Variants in ZNF250 observed in about 807,000 individuals in gnomAD.
The protein encoded by ZNF250 is zinc finger protein (clone 647).
In ZNF250, 13 loss-of-function variants were observed where a neutral mutation model predicts 37.1. The observed-to-expected ratio is 0.35, with a 90% CI of 0.23 to 0.56. ZNF250 has a LOEUF of 0.56. Among genes scored for constraint, ZNF250 ranks in the 20% least tolerant of loss-of-function variants. ZNF250 has a pLI of 0.87. For synonymous variants in ZNF250, 251 were observed against 265.6 expected, an observed-to-expected ratio of 0.94 and a Z score of 0.54; for missense variants, 474 against 697.9, an observed-to-expected ratio of 0.68 and a Z score of 3.61.
chr8:144,892,459 A>G (rs570799481), intron 1 of ZNF250, among the ~76,000 whole-genome samples: 1 of 152,328 alleles, frequency 6.6e-6, no homozygotes, highest in South Asian at 2.1e-4. Context: ...AAATTGGAAG[A>G]TAACAAAAAT....
At chr8:144,884,761 G>A (rs1250829935) in intron 5 of ZNF250, among the ~76,000 whole-genome samples, 1 of 151,930 alleles carries the variant, frequency 6.6e-6, no homozygotes, top group Non-Finnish European at 1.5e-5. Context: ...AATTTCATTG[G>A]ATAATGCCAA....
chr8:144,883,296 T>C (rs1563881004), intron 5 of ZNF250, among the ~76,000 whole-genome samples: 1 of 151,278 alleles, frequency 6.6e-6, no homozygotes, highest in Non-Finnish European at 1.5e-5. Context: ...GACTTGTACA[T>C]GAGGTAGGGG....
At position 144,881,711 on chromosome 8, in the gene ZNF250, ACAAT is replaced by A; in HGVS notation, c.1468_1471del (p.Ile490CysfsTer3). On this transcript the variant is annotated frameshift_variant, in exon 6 of 6. Coordinates refer to ENST00000417550, the MANE Select transcript of ZNF250 (RefSeq NM_001109689.4). LOFTEE classifies it high-confidence loss of function. Reference sequence around the variant, plus strand: ...CTCGCCCGTGTGGGTCCTCAGGTGCACAATCAGAGTTGCTTTCAGGCTGAAGGCT... The same window carrying A: ...CTCGCCCGTGTGGGTCCTCAGGTGCACAGAGTTGCTTTCAGGCTGAAGGCT... 2 of 1,612,540 alleles carry A rather than the reference ACAAT, an allele frequency of 1.2e-6. No homozygotes were observed. The highest frequency in any genetic ancestry group is 1.7e-6 in the Non-Finnish European group (2 of 1,179,596).
rs541828219 is a variant in ZNF250, at chr8:144,880,561, C to G, written c.*954G>C. 8.2e-5 allele frequency: 37 copies of G among 452,006 alleles called. No individual in the cohort carries two copies. The highest frequency in any genetic ancestry group is 2.1e-4 in the Admixed American group (9 of 42,288). 28.0% of individuals were successfully genotyped at this position (452,006 alleles called of 1,614,324 possible). A position where few individuals can be genotyped will look rare whatever the true frequency, so the allele number is the denominator to read the frequency against. On this transcript the variant is annotated 3_prime_UTR_variant, in exon 6 of 6. Transcript: ENST00000417550. Reference sequence around the variant, plus strand: ...TTCTGATCTTGAATAAAGTTAAAAGCTCCAGATAAAGGGTTTTCTAGGCCA... The same window carrying G: ...TTCTGATCTTGAATAAAGTTAAAAGGTCCAGATAAAGGGTTTTCTAGGCCA...
rs1335393033 is a variant in ZNF250 at position 144,879,219 on chromosome 8, G to C, written c.*2296C>G. On this transcript the variant is annotated 3_prime_UTR_variant, in exon 6 of 6. Transcript: ENST00000417550. ...CTGAAGTAACACCTCAGTAATATTA[G>C]TTCCTCTGGAATTTCACTTCAGTGG... 1 of 152,248 alleles carries C rather than the reference G, an allele frequency of 6.6e-6. No individual in the cohort carries two copies. The highest frequency in any genetic ancestry group is 2.4e-5 in the African/African-American group (1 of 41,458). 9.4% of individuals were successfully genotyped at this position (152,248 alleles called of 1,614,324 possible).
chr8:144,884,290 C>T (rs979991615), intron 5 of ZNF250, among the ~76,000 whole-genome samples: 4 of 152,306 alleles, frequency 2.6e-5, no homozygotes, highest in Middle Eastern at 3.4e-3. Context: ...CTTACCCTGT[C>T]GCCCAGGCTG....
intron 1 of ZNF250, among the ~76,000 whole-genome samples, chr8:144,899,879 T>C (rs1832985177): frequency 6.6e-6 from 1 of 152,208 alleles, no homozygotes; most frequent in Non-Finnish European, 1.5e-5. Flanking sequence ...AACAAGAGTT[T>C]ATTTTAAAAA....
At position 144,882,989 on chromosome 8, in the gene ZNF250, C is replaced by T. The variant is rs1272599823; in HGVS notation, c.347-153G>A. ...AAGAACAGAACCACCATAACTGTGT[C>T]AAACAACTAGATATCAGAAGATAAT... On this transcript the variant is annotated intron_variant, in intron 5 of 5. Transcript: ENST00000417550. This position sits in a 1 kb window ranked among gnomAD's most constrained non-coding sequence, Gnocchi z 5.5. 1.3e-5 allele frequency among the ~76,000 whole-genome samples: 2 copies of T among 152,188 alleles called. No homozygotes were observed. The highest frequency in any genetic ancestry group is 2.9e-5 in the Non-Finnish European group (2 of 68,038).
chr8:144,893,993 T>C (rs769689395), intron 1 of ZNF250, among the ~76,000 whole-genome samples: 2 of 152,154 alleles, frequency 1.3e-5, no homozygotes, highest in South Asian at 2.1e-4. Context: ...TTGAGCCCAG[T>C]AGCTCTTTTG....
intron 5 of ZNF250, among the ~76,000 whole-genome samples, chr8:144,886,131 T>C (rs1356500697): frequency 6.7e-6 from 1 of 150,326 alleles, no homozygotes; most frequent in Non-Finnish European, 1.5e-5. Context: ...AATGGGCGGC[T>C]TCTGACCTGA....
rs1046792990 is a variant in ZNF250, at chr8:144,881,823, C to T, written c.1360G>A (p.Ala454Thr). 8 of 1,614,160 alleles carry T rather than the reference C, an allele frequency of 5.0e-6. No individual in the cohort carries two copies. The highest frequency in any genetic ancestry group is 1.7e-5 in the Admixed American group (1 of 60,028). The change falls in exon 6 of 6, where the codon GCC (alanine) becomes ACC (threonine). Residue 454 changes from alanine to threonine, a missense_variant. Coordinates refer to ENST00000417550, the MANE Select transcript of ZNF250 (RefSeq NM_001109689.4). ...KPYVCGECGH[A>T]FSARRSLIQH... ...ATCAGAGACCGGCGTGCACTGAAGGCGTGCCCACATTCACCACACACATAG... is the reference window on the plus strand; with the variant it reads ...ATCAGAGACCGGCGTGCACTGAAGGTGTGCCCACATTCACCACACACATAG...
chr8:144,892,528 A>G (rs936725658), intron 1 of ZNF250, among the ~76,000 whole-genome samples: 2 of 151,962 alleles, frequency 1.3e-5, no homozygotes, highest in African/African-American at 4.8e-5. Context: ...GTGTACCCAG[A>G]TGGGATACAT....
At chr8:144,896,243 A>T (rs1832714053) in intron 1 of ZNF250, among the ~76,000 whole-genome samples, 1 of 151,972 alleles carries the variant, frequency 6.6e-6, no homozygotes, top group Admixed American at 6.6e-5. Context: ...GGTACTCTGG[A>T]GGCTGAGATG....
Position 144,881,796 on chromosome 8 carries a change from G to T in ZNF250, c.1387C>A (p.Gln463Lys), listed in dbSNP as rs1199711755. Reference protein sequence around the residue: ...HAFSARRSLIQHERIHTGEKP... With the variant: ...HAFSARRSLIKHERIHTGEKP... ...TCACCTGTGTGGATTCTCTCATGCTGGATCAGAGACCGGCGTGCACTGAAG... is the reference window on the plus strand; with the variant it reads ...TCACCTGTGTGGATTCTCTCATGCTTGATCAGAGACCGGCGTGCACTGAAG... The change falls in exon 6 of 6, where the codon CAG becomes AAG. Residue 463 changes from glutamine to lysine, a missense_variant. This residue lies in a region of ZNF250 where 282 missense variants were observed against 470.4 expected (regional missense o/e 0.60). Transcript: ENST00000417550. 6.2e-7 allele frequency: 1 copy of T among 1,614,188 alleles called. No homozygotes were observed. Among genetic ancestry groups the T allele is most frequent in the South Asian group, 1.1e-5 (1 of 91,084 alleles).
At chr8:144,883,989 C>T (rs949989805) in intron 5 of ZNF250, among the ~76,000 whole-genome samples, 5 of 152,102 alleles carry the variant, frequency 3.3e-5, no homozygotes, top group Non-Finnish European at 5.9e-5. Flanking sequence ...ATGATCCTCC[C>T]GCCTTTGCCT....
In ZNF250 at chr8:144,886,732, T is replaced by C. The variant is rs149179250; in HGVS notation, c.346+108A>G. On this transcript the variant is annotated intron_variant, in intron 5 of 5. Transcript: ENST00000417550. The stretch of plus-strand genomic sequence containing the variant: ...TGGTGTTTTGTAGCAATTGTGTGAG[T>C]TGTTTAACACGCTTCATAGCACCGA... The C allele has an allele frequency of 7.2e-4, 639 of 888,644 alleles. 2 individuals are homozygous for C. The African/African-American group carries it at 8.3e-3, about 11-fold the overall frequency. The allele number at this position is 888,644 out of a possible 1,614,324, so 55.0% of individuals were successfully genotyped here. A position where few individuals can be genotyped will look rare whatever the true frequency, so the allele number is the denominator to read the frequency against.
rs765758907 is a variant in ZNF250, at chr8:144,882,686, G to A, written c.497C>T (p.Ser166Phe). 1 of 1,614,038 alleles carries A rather than the reference G, an allele frequency of 6.2e-7. No individual in the cohort carries two copies. Among genetic ancestry groups the A allele is most frequent in the Non-Finnish European group, 8.5e-7 (1 of 1,179,904 alleles). The part of the protein sequence containing the change: ...TKQSFCLSPN[S>F]VDHREVQVLS... ...GACCTGAACTTCACGGTGGTCAACA[G>A]AGTTTGGACTCAGACAGAAGCTTTG... Residue 166 changes from serine (S) to phenylalanine (F), a missense_variant, in exon 6 of 6, where the codon TCT (serine) becomes TTT (phenylalanine). By Grantham distance (155) the Ser-to-Phe change is radical. This residue lies in a region of ZNF250 where 192 missense variants were observed against 227.5 expected (regional missense o/e 0.84). Transcript: ENST00000417550. This position sits in a 1 kb window ranked among gnomAD's most constrained non-coding sequence, Gnocchi z 5.5.
chr8:144,881,641 G>A lies in ZNF250; in HGVS notation c.1542C>T (p.Tyr514=). The A allele has an allele frequency of 6.2e-7, 1 of 1,613,588 alleles. No individual in the cohort carries two copies. Among genetic ancestry groups the A allele is most frequent in the Non-Finnish European group, 8.5e-7 (1 of 1,179,838 alleles). Residue 514 remains tyrosine, a synonymous_variant, in exon 6 of 6, where the codon TAC becomes TAT. Coordinates refer to ENST00000417550, the MANE Select transcript of ZNF250 (RefSeq NM_001109689.4). ...TCCGCTGGTGCTGGATGAGCACTGA[G>A]TACTGGCTGAAGGCCTTCCCGCAGC... ...CNSCGKAFSQ[Y]SVLIQHQRIH...
Position 144,879,327 on chromosome 8 carries a change from T to C in ZNF250, c.*2188A>G, listed in dbSNP as rs1831307932. On this transcript the variant is annotated 3_prime_UTR_variant, in exon 6 of 6. Coordinates refer to ENST00000417550, the MANE Select transcript of ZNF250 (RefSeq NM_001109689.4). ...ATCAGTTACCAGTTCCTCTCTGGAGTTAATAATTCACTGTTGTCAGTGTCT... is the reference window on the plus strand; with the variant it reads ...ATCAGTTACCAGTTCCTCTCTGGAGCTAATAATTCACTGTTGTCAGTGTCT... 1 of 152,234 alleles carries C rather than the reference T, an allele frequency of 6.6e-6. No homozygotes were observed. Among genetic ancestry groups the C allele is most frequent in the Admixed American group, 6.5e-5 (1 of 15,278 alleles). 9.4% of individuals were successfully genotyped at this position (152,234 alleles called of 1,614,324 possible).
Sources: allele counts gnomAD v4.1 joint callset (sites outside exome capture counted in the v4.1 genomes callset), GRCh38; gene constraint gnomAD v4.1.1; regional missense constraint gnomAD v4.1.1; non-coding constraint Gnocchi (gnomAD v3.1); transcripts MANE v1.5; gene names NCBI Gene and HGNC (gene_info 2026-07-23, HGNC 2026-07-21).